GAS7: variants seen among roughly 807,000 people sequenced by gnomAD.
GAS7 encodes growth arrest-specific protein 7.
GAS7 carries 28 observed loss-of-function variants against 71.1 expected under a neutral mutation model. That is an observed-to-expected ratio of 0.39 (90% CI 0.29 to 0.54). The LOEUF is 0.54. GAS7 is among the 20% of genes least tolerant of loss of function. The pLI is 0.62. For synonymous variants in GAS7, 258 were observed against 245.8 expected (o/e 1.05, Z -0.46); for missense variants, 436 against 627.8 (o/e 0.69, Z 3.27).
At chr17:10,194,555 CAT>C (rs991780459) in intron 1 of GAS7, among the ~76,000 whole-genome samples, 39 of 152,362 alleles carry the variant, frequency 2.6e-4, no homozygotes, top group African/African-American at 8.7e-4. Flanking sequence ...AATATTCCCA[CAT>C]GTGGGGTTCC....
intron 1 of GAS7, among the ~76,000 whole-genome samples, chr17:10,141,380 G>A (rs535383691): frequency 6.2e-4 from 95 of 152,182 alleles, no homozygotes; most frequent in Non-Finnish European, 1.2e-3. Flanking sequence ...CCCGGGAGAC[G>A]GAGCTTGCAG....
rs765096586 is a variant in GAS7 at position 10,198,402 on chromosome 17, C to T, written c.-12G>A. The T allele has an allele frequency of 4.5e-6, 7 of 1,565,826 alleles. No individual in the cohort carries two copies. The highest frequency in any genetic ancestry group is 1.8e-5 in the Admixed American group (1 of 56,722). On this transcript the variant is annotated 5_prime_UTR_variant, in exon 1 of 14. Transcript: ENST00000432992. ...CGAGCGCCGGACATGGCCTTGGCGC[C>T]CGGGTTCACAGCGCAGCCTGCATTC...
intron 2 of GAS7, among the ~76,000 whole-genome samples, chr17:10,006,246 C>T (rs1222820431): frequency 6.7e-6 from 1 of 149,748 alleles, no homozygotes; most frequent in African/African-American, 2.4e-5. Context: ...GGCAGGAATG[C>T]TGTTCATCTT....
At chr17:10,111,745 T>C (rs937004174) in intron 1 of GAS7, among the ~76,000 whole-genome samples, 5 of 152,128 alleles carry the variant, frequency 3.3e-5, no homozygotes, top group African/African-American at 1.2e-4. Flanking sequence ...CCCTCCTTGG[T>C]GGGTCTGGCA....
chr17:9,937,953 A>G (rs775778856), intron 8 of GAS7, among the ~76,000 whole-genome samples: 5 of 152,206 alleles, frequency 3.3e-5, no homozygotes, highest in Non-Finnish European at 7.3e-5. Context: ...TAACCGTTGA[A>G]AAGTGATCGA....
At chr17:10,142,176 A>G (rs568012095) in intron 1 of GAS7, among the ~76,000 whole-genome samples, 2 of 150,850 alleles carry the variant, frequency 1.3e-5, no homozygotes, top group South Asian at 4.2e-4. Context: ...AAATAGGGCC[A>G]CTGCAGTCCG....
intron 7 of GAS7, among the ~76,000 whole-genome samples, chr17:9,941,604 C>G (rs1409451785): frequency 6.6e-6 from 1 of 152,224 alleles, no homozygotes; most frequent in Admixed American, 6.5e-5. Flanking sequence ...TGCGTTTTCT[C>G]TAGGAAGCCC....
At position 9,947,920 on chromosome 17, in the gene GAS7, C is replaced by T. The variant is rs117898121; in HGVS notation, c.526-937G>A. On this transcript the variant is annotated intron_variant, in intron 5 of 13. Transcript: ENST00000432992. ...GCCCCTCCTCTTCCTCCTCCTGCTT[C>T]GCCCATTCAATGTGAAGATGTTGAG... is the stretch of plus-strand genomic sequence containing the variant. Among the ~76,000 whole-genome samples, 764 of 151,742 alleles carry T rather than the reference C, an allele frequency of 5.0e-3. 1 individual carries two copies. The highest frequency in any genetic ancestry group is 8.6e-3 in the Non-Finnish European group (582 of 68,010).
At chr17:10,147,124 G>A (rs553003498) in intron 1 of GAS7, among the ~76,000 whole-genome samples, 1 of 152,274 alleles carries the variant, frequency 6.6e-6, no homozygotes, top group South Asian at 2.1e-4. Context: ...CTCTTCAAAT[G>A]CTTAGTCACA....
intron 1 of GAS7, among the ~76,000 whole-genome samples, chr17:10,118,270 G>A (rs745990740): frequency 1.5e-3 from 233 of 152,296 alleles, no homozygotes; most frequent in Non-Finnish European, 2.7e-3. Flanking sequence ...CATAAGGTGG[G>A]AAGGAAGTCA....
At chr17:10,196,045 A>C (rs1477268789) in intron 1 of GAS7, among the ~76,000 whole-genome samples, 3 of 152,140 alleles carry the variant, frequency 2.0e-5, no homozygotes, top group Admixed American at 6.6e-5. Context: ...TCCTGGATGC[A>C]GCTGTCCTCG....
At chr17:10,167,044 C>CTTTTTTTTTT (rs1164151104) in intron 1 of GAS7, among the ~76,000 whole-genome samples, 1,424 of 58,774 alleles carry the variant, frequency 0.024, 274 homozygotes, top group African/African-American at 0.035. Context: ...TTCCATTTGT[C>CTTTTTTTTTT]TTTTTTTTTT....
At chr17:10,016,075 T>G (rs190918050) in intron 2 of GAS7, among the ~76,000 whole-genome samples, 299 of 152,294 alleles carry the variant, frequency 2.0e-3, no homozygotes, top group Non-Finnish European at 3.8e-3. Flanking sequence ...GAAGGAATGA[T>G]TCAATCAAAC....
chr17:9,980,837 A>G (rs1167840867), intron 3 of GAS7, among the ~76,000 whole-genome samples: 8 of 152,168 alleles, frequency 5.3e-5, no homozygotes, highest in Non-Finnish European at 1.2e-4. Flanking sequence ...CTCAAAATTG[A>G]GTGGTCAGGG....
In GAS7 at chr17:9,976,277, A is replaced by T. The variant is rs374360925; in HGVS notation, c.385+5527T>A. Among the ~76,000 whole-genome samples the T allele has an allele frequency of 3.9e-5, 6 of 152,380 alleles. No individual in the cohort carries two copies. The South Asian group carries it at 1.2e-3, about 32-fold the overall frequency. On this transcript the variant is annotated intron_variant, in intron 3 of 13. Coordinates refer to ENST00000432992, the MANE Select transcript of GAS7 (RefSeq NM_201433.2). ...GCCTTTGTAAGGTCCCAGGAGCCTC[A>T]GCCAGCAAGAACACTGGTTCTAGGG...
At chr17:10,095,597 G>A (rs993064870) in intron 1 of GAS7, among the ~76,000 whole-genome samples, 3 of 152,172 alleles carry the variant, frequency 2.0e-5, no homozygotes, top group South Asian at 4.2e-4. Flanking sequence ...TGAGGCGGGC[G>A]GATCACAAGG....
intron 1 of GAS7, among the ~76,000 whole-genome samples, chr17:10,143,032 A>T (rs76559947): frequency 8.3e-6 from 1 of 120,638 alleles, no homozygotes; most frequent in African/African-American, 3.1e-5. Flanking sequence ...AAAAAAAAAA[A>T]TTAGCCAGGC....
chr17:10,159,065 CATATATATATATATATATAT>C lies in GAS7; in HGVS notation c.183+39123_183+39142del, dbSNP rs745794234. 4.1e-3 allele frequency among the ~76,000 whole-genome samples: 245 copies of C among 60,000 alleles called. 25 individuals are homozygous for C. The highest frequency in any genetic ancestry group is 0.037 in the Admixed American group (195 of 5,340). The allele number at this position is 60,000 out of a possible 152,430, so 39.4% of individuals were successfully genotyped here. The stretch of plus-strand genomic sequence containing the variant: ...ACAGAGTGAGACACTGTCTCTAAAA[CATATATATATATATATATAT>C]ATATATATATATTAAAGATAACACA... On this transcript the variant is annotated intron_variant, in intron 1 of 13. Coordinates refer to ENST00000432992, the MANE Select transcript of GAS7 (RefSeq NM_201433.2).
chr17:9,949,264 A>T (rs1445833750), intron 5 of GAS7, among the ~76,000 whole-genome samples: 1 of 152,170 alleles, frequency 6.6e-6, no homozygotes. Flanking sequence ...AAGTGTCGTC[A>T]AGCCCTTCTG....
Sources: allele counts gnomAD v4.1 joint callset (sites outside exome capture counted in the v4.1 genomes callset), GRCh38; gene constraint gnomAD v4.1.1; transcripts MANE v1.5; gene names NCBI Gene and HGNC (gene_info 2026-07-23, HGNC 2026-07-21).